The following NF1 variants were observed in gnomAD, a reference collection of about 807,000 sequenced individuals.
NF1 encodes neurofibromin.
NF1 carries 122 observed loss-of-function variants against 325.7 expected under a neutral mutation model. The ratio of observed to expected loss-of-function variants is 0.37; its 90% CI spans 0.32 to 0.44. NF1 has a LOEUF of 0.44. NF1 is among the 20% of genes least tolerant of loss of function. NF1 has a pLI of 1.00. For missense variants in NF1, 2,140 were observed against 3,415.4 expected (o/e 0.63, Z 9.31); for synonymous variants, 1,091 against 1,186.0 (o/e 0.92, Z 1.65).
chr17:31,337,783 A>G, intron 43 of NF1, 36 bp from the exon 44 acceptor site: 1 of 1,596,102 alleles, frequency 6.3e-7, no homozygotes, highest in Non-Finnish European at 8.6e-7. Flanking sequence ...AAAAACATTT[A>G]TGTACAATAT....
chr17:31,123,263 CA>C (rs1229290878), intron 1 of NF1, among the ~76,000 whole-genome samples: 2 of 152,104 alleles, frequency 1.3e-5, no homozygotes, highest in Non-Finnish European at 2.9e-5. Context: ...CAGGGGTAAA[CA>C]TCAAATAATT....
intron 33 of NF1, 123 bp from the exon 34 acceptor site, chr17:31,260,246 T>C (rs1408695726): frequency 9.6e-7 from 1 of 1,041,866 alleles, no homozygotes; most frequent in East Asian, 2.5e-5. Context: ...TCACATTGTG[T>C]GAACAAGCCC....
rs536545753 is a variant in NF1 at position 31,165,908 on chromosome 17, T to A, written c.479+2532T>A. 4.6e-5 allele frequency among the ~76,000 whole-genome samples: 7 copies of A among 152,238 alleles called. No homozygotes were observed. The South Asian group carries it at 1.5e-3, about 32-fold the overall frequency. On this transcript the variant is annotated intron_variant, in intron 4 of 57. Transcript: ENST00000358273. Reference sequence around the variant, plus strand: ...GGTCTTGCCATGTTGCCCAGGCTTGTCTTGAACCCCTGGGCTCAAGGGATC... The same window carrying A: ...GGTCTTGCCATGTTGCCCAGGCTTGACTTGAACCCCTGGGCTCAAGGGATC...
chr17:31,287,365 T>G (rs2068250578), intron 36 of NF1, among the ~76,000 whole-genome samples: 1 of 152,244 alleles, frequency 6.6e-6, no homozygotes. Flanking sequence ...GAGGACACAT[T>G]TAATCACTTG....
intron 1 of NF1, among the ~76,000 whole-genome samples, chr17:31,145,077 C>T (rs1306799006): frequency 6.6e-6 from 1 of 152,200 alleles, no homozygotes; most frequent in Admixed American, 6.5e-5. Flanking sequence ...TTGGGTTAAC[C>T]ACATTGGCCC....
chr17:31,179,380 A>G (rs1308231936), intron 5 of NF1, among the ~76,000 whole-genome samples: 3 of 152,222 alleles, frequency 2.0e-5, no homozygotes, highest in Non-Finnish European at 4.4e-5. Context: ...AGGGAAATTT[A>G]TAGCACTAAA....
At chr17:31,226,792 C>G (rs2067023647) in intron 18 of NF1, 108 bp downstream of exon 18, 1 of 1,427,408 alleles carries the variant, frequency 7.0e-7, no homozygotes, top group East Asian at 2.3e-5. Context: ...AGGGGAAATT[C>G]AAGTAGCTTA....
Position 31,284,370 on chromosome 17 carries a change from C to T in NF1, c.4835+19031C>T, listed in dbSNP as rs550187293. Among the ~76,000 whole-genome samples, 25 of 152,152 alleles carry T rather than the reference C, an allele frequency of 1.6e-4. No individual in the cohort carries two copies. The South Asian group carries it at 1.9e-3, about 11-fold the overall frequency. Reference sequence around the variant, plus strand: ...AGATCTCAGCTCACTGCAACCTCCGCCCCCCAGGTTCAAGAGCTTCTCTTG... The same window carrying T: ...AGATCTCAGCTCACTGCAACCTCCGTCCCCCAGGTTCAAGAGCTTCTCTTG... On this transcript the variant is annotated intron_variant, in intron 36 of 57. Coordinates refer to ENST00000358273, the MANE Select transcript of NF1 (RefSeq NM_001042492.3).
At chr17:31,359,056 G>A (rs2070342208) in intron 56 of NF1, 41 bp downstream of exon 56, 2 of 1,558,354 alleles carry the variant, frequency 1.3e-6, no homozygotes, top group Non-Finnish European at 1.8e-6. Context: ...GCAAAATGAA[G>A]GTTTCTGTTC....
chr17:31,211,954 C>G (rs2066735491), intron 12 of NF1, among the ~76,000 whole-genome samples: 1 of 152,100 alleles, frequency 6.6e-6, no homozygotes, highest in Non-Finnish European at 1.5e-5. Context: ...AAACACTACA[C>G]TTAAGCTATA....
At chr17:31,138,113 T>C (rs536700423) in intron 1 of NF1, 1 of 152,234 alleles carries the variant, frequency 6.6e-6, no homozygotes, top group African/African-American at 2.4e-5. Flanking sequence ...AACGTCTTCC[T>C]ATCTTATTTA....
intron 1 of NF1, chr17:31,136,907 T>C (rs952099856): frequency 2.0e-5 from 3 of 152,220 alleles, no homozygotes; most frequent in Admixed American, 1.3e-4. Flanking sequence ...TTATGCCCCA[T>C]GGATAAGGGG....
intron 18 of NF1, 77 bp downstream of exon 18, chr17:31,226,761 GT>G: frequency 6.3e-7 from 1 of 1,585,446 alleles, no homozygotes; most frequent in Non-Finnish European, 8.6e-7. Context: ...TGTATTTAAG[GT>G]CACTACTTTG....
chr17:31,320,326 T>C (rs773954093), intron 36 of NF1: 7 of 1,460,970 alleles, frequency 4.8e-6, no homozygotes, highest in Non-Finnish European at 5.5e-6. Context: ...TCAAATGTAC[T>C]TAGGAGTCCT....
chr17:31,307,881 A>G (rs1162923514), intron 36 of NF1: 14 of 1,288,596 alleles, frequency 1.1e-5, no homozygotes, highest in Non-Finnish European at 1.4e-5. Context: ...AGGTTTTACA[A>G]ATTACCTTTT....
intron 29 of NF1, 73 bp from the exon 30 acceptor site, chr17:31,248,911 T>C (rs2067446148): frequency 1.4e-6 from 2 of 1,462,572 alleles, no homozygotes; most frequent in African/African-American, 2.8e-5. Flanking sequence ...TGTATAAGAG[T>C]CTCTTTTAAG....
chr17:31,207,998 A>G (rs1013147816), intron 12 of NF1, among the ~76,000 whole-genome samples: 4 of 152,174 alleles, frequency 2.6e-5, no homozygotes, highest in African/African-American at 9.7e-5. Context: ...AAATGAAACT[A>G]AATGATTATT....
At chr17:31,168,056 G>A (rs1251431351) in intron 4 of NF1, among the ~76,000 whole-genome samples, 1 of 152,112 alleles carries the variant, frequency 6.6e-6, no homozygotes, top group African/African-American at 2.4e-5. Flanking sequence ...AAAAGTAGAA[G>A]TTAGTAAAAT....
At chr17:31,367,752 A>G (rs560521643) in intron 57 of NF1, among the ~76,000 whole-genome samples, 1 of 152,324 alleles carries the variant, frequency 6.6e-6, no homozygotes, top group African/African-American at 2.4e-5. Context: ...CTATAATCAC[A>G]GCACTTTGGG....
Sources: gnomAD v4.1 joint callset for allele counts (sites outside exome capture counted in the v4.1 genomes callset) on GRCh38, gnomAD v4.1.1 for gene constraint, MANE v1.5 for transcripts, NCBI Gene and HGNC (gene_info 2026-07-23, HGNC 2026-07-21) for gene names.